Variants in C9orf57 observed in about 807,000 individuals in gnomAD.
C9orf57 encodes chromosome 9 open reading frame 57.
In C9orf57, 12 loss-of-function variants were observed where a neutral mutation model predicts 12.9. The ratio of observed to expected loss-of-function variants is 0.93; its 90% CI spans 0.60 to 1.51. C9orf57 has a LOEUF of 1.51. C9orf57 is among the 40% of genes most tolerant of loss of function. C9orf57 has a pLI of 0.00. For missense variants in C9orf57, 141 were observed against 162.8 expected (o/e 0.87, Z 0.73); for synonymous variants, 49 against 57.1 (o/e 0.86, Z 0.64).
rs1824086290 is a variant in C9orf57, at chr9:72,051,799, A to G, written c.*497T>C. 1 of 152,312 alleles carries G rather than the reference A, an allele frequency of 6.6e-6. No individual in the cohort carries two copies. The allele number at this position is 152,312 out of a possible 1,614,324, so 9.4% of individuals were successfully genotyped here. On this transcript the variant is annotated 3_prime_UTR_variant, in exon 5 of 5. Coordinates refer to ENST00000651200, the MANE Select transcript of C9orf57 (RefSeq NM_001128618.2). Reference sequence around the variant, plus strand: ...GGCCTGGCTTGCTGATTCATGGCTTATTTTTTCCCTATAGTATATGTTAAG... The same window carrying G: ...GGCCTGGCTTGCTGATTCATGGCTTGTTTTTTCCCTATAGTATATGTTAAG...
intron 4 of C9orf57, 109 bp downstream of exon 4, chr9:72,055,965 G>A (rs555454869): frequency 3.6e-5 from 42 of 1,162,640 alleles, no homozygotes; most frequent in Non-Finnish European, 4.6e-5. Flanking sequence ...TTGGTGTAAT[G>A]TAGCCCTGGC....
intron 2 of C9orf57, among the ~76,000 whole-genome samples, chr9:72,058,086 A>G (rs750024012): frequency 1.6e-4 from 24 of 152,222 alleles, no homozygotes; most frequent in African/African-American, 1.4e-4. Context: ...GATCTGCAGA[A>G]ATAGCTGAGG....
intron 4 of C9orf57, among the ~76,000 whole-genome samples, chr9:72,054,670 T>C (rs1444401578): frequency 6.6e-6 from 1 of 152,194 alleles, no homozygotes; most frequent in Admixed American, 6.5e-5. Context: ...CTTATATTGA[T>C]CCTTGTGGGA....
In C9orf57 at chr9:72,056,134, C is replaced by CTAAAA; in HGVS notation, c.215_219dup (p.Asp74PhefsTer2). 1 of 1,550,932 alleles carries CTAAAA rather than the reference C, an allele frequency of 6.4e-7. No individual in the cohort carries two copies. The highest frequency in any genetic ancestry group is 8.7e-7 in the Non-Finnish European group (1 of 1,146,568). ...GGTTCTGCCTGGCAGGTTCCCAGGT[C>CTAAAA]TAAAAGACATCCATGGAAGGGCAGT... On this transcript the variant is annotated frameshift_variant, in exon 4 of 5. Coordinates refer to ENST00000651200, the MANE Select transcript of C9orf57 (RefSeq NM_001128618.2). LOFTEE classifies it high-confidence loss of function.
chr9:72,053,067 T>C (rs1307510170), intron 4 of C9orf57, among the ~76,000 whole-genome samples: 5 of 151,792 alleles, frequency 3.3e-5, no homozygotes, highest in Non-Finnish European at 5.9e-5. Context: ...AAATGGTGGG[T>C]TTTCAGCTGG....
At chr9:72,055,106 A>G in intron 4 of C9orf57, among the ~76,000 whole-genome samples, 1 of 137,642 alleles carries the variant, frequency 7.3e-6, no homozygotes, top group Middle Eastern at 3.6e-3. Context: ...TTATATATAT[A>G]TATTTTTTTT....
chr9:72,058,942 A>G (rs1824266394), intron 2 of C9orf57, among the ~76,000 whole-genome samples: 1 of 151,898 alleles, frequency 6.6e-6, no homozygotes, highest in Non-Finnish European at 1.5e-5. Flanking sequence ...CAATGGCATG[A>G]TCTTGGCTCA....
intron 4 of C9orf57, among the ~76,000 whole-genome samples, chr9:72,054,685 C>T (rs1824151817): frequency 6.6e-6 from 1 of 151,960 alleles, no homozygotes; most frequent in Non-Finnish European, 1.5e-5. Flanking sequence ...GTGGGAATTG[C>T]CTTCCTACTT....
At chr9:72,057,884 T>C (rs1030728485) in intron 2 of C9orf57, among the ~76,000 whole-genome samples, 13 of 152,228 alleles carry the variant, frequency 8.5e-5, no homozygotes, top group Non-Finnish European at 4.4e-5. Flanking sequence ...TTTGTTTATA[T>C]AGAAATAGCC....
At chr9:72,060,360 A>G in intron 1 of C9orf57, 137 bp downstream of exon 1, 1 of 616,366 alleles carries the variant, frequency 1.6e-6, no homozygotes, top group South Asian at 2.0e-5. Context: ...ATTATTAATA[A>G]TACTTTCACT....
intron 4 of C9orf57, among the ~76,000 whole-genome samples, 177 bp downstream of exon 4, chr9:72,055,897 A>G (rs1051937576): frequency 7.2e-5 from 11 of 152,266 alleles, no homozygotes; most frequent in Admixed American, 7.2e-4. Context: ...TGTCTCAGCT[A>G]TCTCATCTTT....
chr9:72,059,275 T>A lies in C9orf57; in HGVS notation c.57A>T (p.Leu19Phe), dbSNP rs761096577. ...ATAAGATAACACCTAAGAGGCGGAA[T>A]AAGATAACACCTAAGAGGCGGAATA... The part of the protein sequence containing the change: ...VILFRLLGVI[L>F]FRLLGVILFG... The change falls in exon 2 of 5, where the codon TTA becomes TTT. Residue 19 changes from leucine (L) to phenylalanine (F), a missense_variant. Physicochemically the swap from Leu to Phe is conservative, Grantham distance 22. Transcript: ENST00000651200. The A allele has an allele frequency of 1.3e-6, 2 of 1,551,590 alleles. No individual in the cohort carries two copies. The highest frequency in any genetic ancestry group is 2.7e-5 in the African/African-American group (2 of 73,042).
intron 1 of C9orf57, 69 bp downstream of exon 1, chr9:72,060,428 C>T: frequency 1.2e-6 from 1 of 809,396 alleles, no homozygotes; most frequent in East Asian, 2.7e-5. Context: ...ATAGTTAATA[C>T]TTATTAAAAT....
At chr9:72,060,169 C>T (rs1824301977) in intron 1 of C9orf57, among the ~76,000 whole-genome samples, 2 of 152,150 alleles carry the variant, frequency 1.3e-5, no homozygotes, top group South Asian at 4.1e-4. Flanking sequence ...GCCTCAGCCT[C>T]CCGAGTAGCT....
chr9:72,053,505 G>C (rs750602905), intron 4 of C9orf57, among the ~76,000 whole-genome samples: 1 of 152,096 alleles, frequency 6.6e-6, no homozygotes, highest in Non-Finnish European at 1.5e-5. Context: ...TCTGGAGTCC[G>C]TCTGGCTAGA....
chr9:72,054,588 T>C (rs1315150468), intron 4 of C9orf57, among the ~76,000 whole-genome samples: 3 of 152,192 alleles, frequency 2.0e-5, no homozygotes, highest in Admixed American at 6.5e-5. Flanking sequence ...AAAAATATTA[T>C]ATTGTTTTCA....
intron 2 of C9orf57, among the ~76,000 whole-genome samples, chr9:72,058,062 G>T (rs907971361): frequency 1.1e-4 from 16 of 152,314 alleles, no homozygotes; most frequent in Middle Eastern, 6.8e-3. Flanking sequence ...TGGGGCTTGA[G>T]AATTTGTATT....
intron 4 of C9orf57, among the ~76,000 whole-genome samples, chr9:72,052,695 C>T (rs575366245): frequency 4.0e-4 from 61 of 152,252 alleles, no homozygotes; most frequent in African/African-American, 1.4e-3. Flanking sequence ...TTGTAAAAGC[C>T]ATGCAATTGC....
At chr9:72,056,680 C>A in intron 3 of C9orf57, 104 bp downstream of exon 3, 13 of 1,180,134 alleles carry the variant, frequency 1.1e-5, no homozygotes, top group Non-Finnish European at 1.5e-5. Flanking sequence ...GTAATGTAGC[C>A]CTGGCAAAGC....
Sources: allele counts gnomAD v4.1 joint callset (sites outside exome capture counted in the v4.1 genomes callset), GRCh38; gene constraint gnomAD v4.1.1; transcripts MANE v1.5; gene names NCBI Gene and HGNC (gene_info 2026-07-23, HGNC 2026-07-21).